The following USP54 variants were observed in gnomAD, a reference collection of about 807,000 sequenced individuals.
USP54 encodes ubiquitin carboxyl-terminal hydrolase 54.
In USP54, 87 loss-of-function variants were observed where a neutral mutation model predicts 170.5. The ratio of observed to expected loss-of-function variants is 0.51; its 90% CI spans 0.43 to 0.61. The LOEUF (loss-of-function observed/expected upper bound fraction) is 0.61, where lower values mean the gene tolerates loss of function less well. Among genes scored for constraint, USP54 ranks in the 20% least tolerant of loss-of-function variants. The pLI, the probability that USP54 is intolerant of heterozygous loss-of-function variation, is 0.00. For missense variants in USP54, 1,786 were observed against 2,047.8 expected, an observed-to-expected ratio of 0.87 and a Z score of 2.47; for synonymous variants, 655 against 742.8, an observed-to-expected ratio of 0.88 and a Z score of 1.92.
At chr10:73,581,310 T>C (rs1345957649) in intron 1 of USP54, among the ~76,000 whole-genome samples, 1 of 152,230 alleles carries the variant, frequency 6.6e-6, no homozygotes, top group African/African-American at 2.4e-5. Flanking sequence ...CGTATTTCCT[T>C]GTGTAACACA....
At chr10:73,499,928 T>TA (rs1306120508) in intron 23 of USP54, 1 of 152,176 alleles carries the variant, frequency 6.6e-6, no homozygotes, top group African/African-American at 2.4e-5. Flanking sequence ...GCAAAAACAG[T>TA]ATGTTTGGCC....
rs1335765610 is a variant in USP54 at position 73,519,662 on chromosome 10, C to T, written c.2678+135G>A. 4 of 1,379,362 alleles carry T rather than the reference C, an allele frequency of 2.9e-6. No individual in the cohort carries two copies. In the Admixed American group the frequency reaches 8.9e-5, roughly 31 times the overall value. 85.4% of individuals were successfully genotyped at this position (1,379,362 alleles called of 1,614,324 possible). A position where few individuals can be genotyped will look rare whatever the true frequency, so the allele number is the denominator to read the frequency against. ...ATGAGCTTTTCACTGTATGTCTGAC[C>T]TGAAAGAAGAAAATCTTTTCAGAGG... On this transcript the variant is annotated intron_variant, in intron 19 of 23. Coordinates refer to ENST00000687698, the MANE Select transcript of USP54 (RefSeq NM_001391956.1).
intron 3 of USP54, among the ~76,000 whole-genome samples, chr10:73,572,306 T>C (rs1406481905): frequency 6.6e-6 from 1 of 152,144 alleles, no homozygotes; most frequent in Non-Finnish European, 1.5e-5. Flanking sequence ...TAAATCTAAA[T>C]GTGGTATCCT....
At position 73,504,975 on chromosome 10, in the gene USP54, C is replaced by A. The variant is rs773792088; in HGVS notation, c.4186G>T (p.Gly1396Cys). 2.5e-6 allele frequency: 4 copies of A among 1,614,132 alleles called. No individual in the cohort carries two copies. The highest frequency in any genetic ancestry group is 3.4e-6 in the Non-Finnish European group (4 of 1,180,026). ...VRTSQATPCR[G>C]LSRECGEDEQ... ...TCCTCCCCACACTCCCTGCTGAGGC[C>A]TCGGCAAGGTGTAGCCTTCAAACAC... Residue 1396 changes from glycine to cysteine, a missense_variant, in exon 22 of 24, where the codon GGC becomes TGC. Coordinates refer to ENST00000687698, the MANE Select transcript of USP54 (RefSeq NM_001391956.1).
At chr10:73,614,226 C>T (rs1589412789) in intron 1 of USP54, among the ~76,000 whole-genome samples, 1 of 149,400 alleles carries the variant, frequency 6.7e-6, no homozygotes, top group Non-Finnish European at 1.5e-5. Flanking sequence ...TGGTACTGGC[C>T]CAAGAATAAA....
chr10:73,539,401 T>C (rs777013913), intron 10 of USP54, 43 bp downstream of exon 10: 2 of 1,474,700 alleles, frequency 1.4e-6, no homozygotes, highest in Non-Finnish European at 1.8e-6. Flanking sequence ...TTCTTTTTTT[T>C]TGTAGTCACC....
At chr10:73,542,128 C>A (rs1334674801) in intron 7 of USP54, among the ~76,000 whole-genome samples, 2 of 152,156 alleles carry the variant, frequency 1.3e-5, no homozygotes, top group East Asian at 3.8e-4. Flanking sequence ...GAGACAGGGT[C>A]TCGCTCTGTT....
chr10:73,520,792 G>T, intron 18 of USP54, 116 bp downstream of exon 18: 1 of 1,446,994 alleles, frequency 6.9e-7, no homozygotes, highest in Non-Finnish European at 9.4e-7. Context: ...CAGTTTGGGA[G>T]AGCAAGAGTG....
chr10:73,539,729 G>T, intron 9 of USP54, 136 bp from the exon 10 acceptor site: 1 of 999,032 alleles, frequency 1.0e-6, no homozygotes, highest in Non-Finnish European at 1.4e-6. Context: ...ATTTTTGTTA[G>T]TTTAGATTAA....
intron 3 of USP54, among the ~76,000 whole-genome samples, chr10:73,572,592 A>G (rs2075395295): frequency 6.6e-6 from 1 of 152,208 alleles, no homozygotes; most frequent in African/African-American, 2.4e-5. Context: ...CAAGTAAATA[A>G]CACCTTTTTA....
intron 4 of USP54, among the ~76,000 whole-genome samples, chr10:73,564,937 G>A (rs2073937274): frequency 6.6e-6 from 1 of 150,610 alleles, no homozygotes; most frequent in South Asian, 2.1e-4. Context: ...AGTTGGGCAT[G>A]GTGGCACACA....
chr10:73,569,338 A>G (rs1427527869), intron 4 of USP54, among the ~76,000 whole-genome samples: 1 of 152,190 alleles, frequency 6.6e-6, no homozygotes, highest in African/African-American at 2.4e-5. Flanking sequence ...CTTTCAGAAA[A>G]TCAGATAAAA....
upstream of USP54, chr10:73,591,435 T>C (rs889029113): frequency 6.6e-6 from 1 of 152,192 alleles, no homozygotes; most frequent in African/African-American, 2.4e-5. Flanking sequence ...AATGAGAAAC[T>C]GTGAATCTAA....
intron 9 of USP54, 148 bp downstream of exon 9, chr10:73,541,227 C>T (rs549976552): frequency 4.5e-5 from 53 of 1,180,256 alleles, no homozygotes; most frequent in African/African-American, 2.8e-4. Context: ...CCTGCAAGCA[C>T]GGGTATCTGT....
At chr10:73,567,616 G>T (rs1481023076) in intron 4 of USP54, among the ~76,000 whole-genome samples, 3 of 152,178 alleles carry the variant, frequency 2.0e-5, no homozygotes, top group African/African-American at 7.2e-5. Context: ...AGGTTGCAGT[G>T]AGCTGAGGTC....
At position 73,517,286 on chromosome 10, in the gene USP54, C is replaced by G; in HGVS notation, c.3140G>C (p.Arg1047Thr). 1 of 1,613,294 alleles carries G rather than the reference C, an allele frequency of 6.2e-7. No homozygotes were observed. Among genetic ancestry groups the G allele is most frequent in the Non-Finnish European group, 8.5e-7 (1 of 1,179,552 alleles). The change falls in exon 20 of 24, where the codon AGG (arginine) becomes ACG (threonine). Residue 1047 changes from arginine (R) to threonine (T), a missense_variant. Coordinates refer to ENST00000687698, the MANE Select transcript of USP54 (RefSeq NM_001391956.1). Reference sequence around the variant, plus strand: ...ACAGCCTAGGCTGTGTTCATCACCCCTCTCAGAGGTGGCTATTCCAGGCAT... The same window carrying G: ...ACAGCCTAGGCTGTGTTCATCACCCGTCTCAGAGGTGGCTATTCCAGGCAT... ...PVMPGIATSERGDEHSLGCSP... is the reference protein window; with the variant it reads ...PVMPGIATSETGDEHSLGCSP...
chr10:73,590,621 C>A (rs1238149260), intron 1 of USP54, among the ~76,000 whole-genome samples: 1 of 152,102 alleles, frequency 6.6e-6, no homozygotes, highest in Non-Finnish European at 1.5e-5. Flanking sequence ...ATTTTACTTT[C>A]AAAAGGATCA....
chr10:73,563,801 T>C (rs1589126883), intron 4 of USP54, among the ~76,000 whole-genome samples: 1 of 152,290 alleles, frequency 6.6e-6, no homozygotes, highest in East Asian at 1.9e-4. Flanking sequence ...TTGTTACATA[T>C]ATATGTTGAA....
chr10:73,545,289 C>A (rs1220902464), intron 5 of USP54, among the ~76,000 whole-genome samples: 2 of 152,074 alleles, frequency 1.3e-5, no homozygotes, highest in Non-Finnish European at 2.9e-5. Flanking sequence ...TTTTAATGAG[C>A]CTTGGATCCT....
Sources: allele counts gnomAD v4.1 joint callset (sites outside exome capture counted in the v4.1 genomes callset), GRCh38; gene constraint gnomAD v4.1.1; transcripts MANE v1.5; gene names NCBI Gene and HGNC (gene_info 2026-07-23, HGNC 2026-07-21).